OCIAD1: variants seen among roughly 807,000 people sequenced by gnomAD.
OCIAD1 encodes the protein OCIA domain-containing protein 1.
Under a neutral mutation model 38.9 loss-of-function variants are expected in OCIAD1, and 29 were observed. The observed-to-expected ratio is 0.74, with a 90% CI of 0.55 to 1.02. The LOEUF (loss-of-function observed/expected upper bound fraction) is 1.02. Ranked by LOEUF, OCIAD1 falls within the 50% of genes least tolerant of loss-of-function variation. The probability of loss-of-function intolerance (pLI) is 0.00; values close to 1 mark genes in which losing one functional copy is unlikely to be tolerated. For missense variants in OCIAD1, 288 were observed against 289.6 expected, an observed-to-expected ratio of 0.99 and a Z score of 0.04; for synonymous variants, 110 against 92.0, an observed-to-expected ratio of 1.20 and a Z score of -1.12.
chr4:48,843,722 CAACAACA>C (rs1778734362), intron 4 of OCIAD1, among the ~76,000 whole-genome samples: 1 of 152,170 alleles, frequency 6.6e-6, no homozygotes, highest in African/African-American at 2.4e-5. Context: ...ACAACAACAA[CAACAACA>C]AAACAAAAAA....
chr4:48,820,534 C>T (rs1166904972), intron 1 of OCIAD1, among the ~76,000 whole-genome samples: 1 of 151,954 alleles, frequency 6.6e-6, no homozygotes, highest in East Asian at 1.9e-4. Flanking sequence ...TAGCAGAAAA[C>T]AAGAAATAAC....
At chr4:48,831,628 C>T (rs1166205007) in intron 1 of OCIAD1, 2 of 1,078,204 alleles carry the variant, frequency 1.9e-6, no homozygotes, top group Non-Finnish European at 2.5e-6. Context: ...TCAGCCCTGA[C>T]AGTCTTCCTG....
intron 3 of OCIAD1, among the ~76,000 whole-genome samples, chr4:48,835,435 G>A (rs1311143723): frequency 6.6e-6 from 1 of 152,014 alleles, no homozygotes. Context: ...AAAAACTGAA[G>A]CCTCTTACAA....
chr4:48,808,117 G>A (rs1777047164), intron 1 of OCIAD1, among the ~76,000 whole-genome samples: 1 of 152,160 alleles, frequency 6.6e-6, no homozygotes, highest in Non-Finnish European at 1.5e-5. Flanking sequence ...TGGGTATTCT[G>A]CTATGTTTTG....
intron 7 of OCIAD1, among the ~76,000 whole-genome samples, chr4:48,854,858 C>A (rs1779873682): frequency 6.6e-6 from 1 of 152,200 alleles, no homozygotes; most frequent in Non-Finnish European, 1.5e-5. Context: ...ACCAGGAATT[C>A]AGAGAGTTAT....
At position 48,857,199 on chromosome 4, in the gene OCIAD1, G is replaced by A; in HGVS notation, c.548-14G>A. The A allele has an allele frequency of 6.7e-7, 1 of 1,500,230 alleles. No homozygotes were observed. The highest frequency in any genetic ancestry group is 1.4e-5 in the South Asian group (1 of 72,698). The allele number at this position is 1,500,230 out of a possible 1,614,324, so 92.9% of individuals were successfully genotyped here. ...ATCCTTTTATTACCATTTATTAACTGTTTGTTGTTTTAGGACCTGATCCCA... is the reference window on the plus strand; with the variant it reads ...ATCCTTTTATTACCATTTATTAACTATTTGTTGTTTTAGGACCTGATCCCA... On this transcript the variant is annotated splice_polypyrimidine_tract_variant and intron_variant, in intron 7 of 8. Transcript: ENST00000264312.
chr4:48,831,443 G>GGAAGTTCGT, intron 1 of OCIAD1, 194 bp downstream of exon 1: 1 of 1,251,306 alleles, frequency 8.0e-7, no homozygotes, highest in Non-Finnish European at 1.0e-6. Context: ...TGTGAGCTGG[G>GGAAGTTCGT]GAAGTTCGTG....
upstream of OCIAD1, among the ~76,000 whole-genome samples, chr4:48,829,467 A>G (rs1457812314): frequency 6.6e-6 from 1 of 152,194 alleles, no homozygotes; most frequent in Non-Finnish European, 1.5e-5. Flanking sequence ...CTAGGCAAAT[A>G]CGGCTCCTAC....
At chr4:48,823,561 T>TA (rs11336762) in intron 1 of OCIAD1, among the ~76,000 whole-genome samples, 29 of 142,244 alleles carry the variant, frequency 2.0e-4, no homozygotes, top group South Asian at 1.1e-3. Flanking sequence ...TAAAGTAAAA[T>TA]AAAAAAAAAA....
At chr4:48,853,040 C>T (rs190133274) in intron 7 of OCIAD1, among the ~76,000 whole-genome samples, 1,882 of 151,724 alleles carry the variant, frequency 0.012, 13 homozygotes, top group Non-Finnish European at 0.02. Context: ...CCACCACGCT[C>T]GGCTAATTTT....
chr4:48,852,973 C>G (rs945526092), intron 7 of OCIAD1, among the ~76,000 whole-genome samples: 1 of 150,692 alleles, frequency 6.6e-6, no homozygotes, highest in East Asian at 1.9e-4. Flanking sequence ...CCTCCGCCCC[C>G]CCAGCTTCAC....
rs748327598 is a variant in OCIAD1 at position 48,842,686 on chromosome 4, A to G, written c.190A>G (p.Lys64Glu). Residue 64 changes from lysine (K) to glutamate (E), a missense_variant, in exon 4 of 9, where the codon AAA becomes GAA. Physicochemically the swap from Lys to Glu is moderately conservative, Grantham distance 56. Coordinates refer to ENST00000264312, the MANE Select transcript of OCIAD1 (RefSeq NM_017830.4). Reference sequence around the variant, plus strand: ...GTTGATTACTCAAGGATTAATTAGTAAAGGTAAATATTTAAAATTTGAATT... The same window carrying G: ...GTTGATTACTCAAGGATTAATTAGTGAAGGTAAATATTTAAAATTTGAATT... ...SMLITQGLIS[K>E]GILSSHPKYG... is the part of the protein sequence containing the mutation. 10 of 1,511,984 alleles carry G rather than the reference A, an allele frequency of 6.6e-6. No individual in the cohort carries two copies. The African/African-American group carries it at 1.3e-4, about 19-fold the overall frequency. 93.7% of individuals were successfully genotyped at this position (1,511,984 alleles called of 1,614,324 possible).
In OCIAD1 at chr4:48,851,835, C is replaced by T. The variant is rs1466419809; in HGVS notation, c.407C>T (p.Ser136Leu). 1 of 1,612,288 alleles carries T rather than the reference C, an allele frequency of 6.2e-7. No homozygotes were observed. The highest frequency in any genetic ancestry group is 1.7e-5 in the Admixed American group (1 of 59,890). ...TATTATCAAAAGTCAAAATATGACT[C>T]AAGTGTGAGTGGTCAATCATCTTTT... The part of the protein sequence containing the change: ...GHYYQKSKYD[S>L]SVSGQSSFVT... The change falls in exon 7 of 9, where the codon TCA becomes TTA. Residue 136 changes from serine to leucine, a missense_variant. Transcript: ENST00000264312.
intron 1 of OCIAD1, among the ~76,000 whole-genome samples, chr4:48,819,621 A>G (rs1459727721): frequency 4.0e-5 from 6 of 150,648 alleles, no homozygotes; most frequent in South Asian, 2.1e-4. Flanking sequence ...ATAAAGAGTC[A>G]AGACCCCTCA....
intron 7 of OCIAD1, among the ~76,000 whole-genome samples, chr4:48,853,682 T>A (rs1579108290): frequency 6.6e-6 from 1 of 152,324 alleles, no homozygotes; most frequent in Non-Finnish European, 1.5e-5. Flanking sequence ...AAATGAAATT[T>A]AAAATTCAAT....
At chr4:48,851,691 A>T in intron 6 of OCIAD1, 115 bp from the exon 7 acceptor site, 3 of 502,332 alleles carry the variant, frequency 6.0e-6, no homozygotes, top group South Asian at 8.8e-5. Flanking sequence ...AATAAAAAAA[A>T]TTATATGTAT....
At chr4:48,805,492 C>A (rs1282832962) in intron 1 of OCIAD1, among the ~76,000 whole-genome samples, 1 of 152,130 alleles carries the variant, frequency 6.6e-6, no homozygotes, top group Non-Finnish European at 1.5e-5. Context: ...AGATGGTAAG[C>A]AATTTGAATC....
upstream of OCIAD1, among the ~76,000 whole-genome samples, chr4:48,826,802 A>G (rs187580639): frequency 2.0e-5 from 3 of 152,374 alleles, no homozygotes; most frequent in East Asian, 5.8e-4. Context: ...TTCTCTAAAC[A>G]GCTAAACTTC....
At chr4:48,808,657 C>A (rs1777055711) in intron 1 of OCIAD1, among the ~76,000 whole-genome samples, 1 of 152,152 alleles carries the variant, frequency 6.6e-6, no homozygotes, top group Admixed American at 6.6e-5. Flanking sequence ...AAGAATGCAG[C>A]CCTCACCGTA....
Sources: allele counts gnomAD v4.1 joint callset (sites outside exome capture counted in the v4.1 genomes callset), GRCh38; gene constraint gnomAD v4.1.1; transcripts MANE v1.5; gene names NCBI Gene and HGNC (gene_info 2026-07-23, HGNC 2026-07-21).